The following LAMA2 variants were observed in gnomAD, a reference collection of about 807,000 sequenced individuals.
LAMA2 encodes laminin subunit alpha-2.
LAMA2 carries 269 observed loss-of-function variants against 364.8 expected under a neutral mutation model. The ratio of observed to expected loss-of-function variants is 0.74; its 90% CI spans 0.67 to 0.82. The LOEUF (loss-of-function observed/expected upper bound fraction) is 0.82. Ranked by LOEUF, LAMA2 falls within the 40% of genes least tolerant of loss-of-function variation. The probability of loss-of-function intolerance (pLI) is 0.00; values close to 1 mark genes in which losing one functional copy is unlikely to be tolerated. For synonymous variants in LAMA2, 1,379 were observed against 1,370.6 expected (o/e 1.01, Z -0.14); for missense variants, 3,807 against 3,873.2 (o/e 0.98, Z 0.45).
At chr6:129,172,577 A>G (rs1303870006) in intron 9 of LAMA2, among the ~76,000 whole-genome samples, 2 of 152,188 alleles carry the variant, frequency 1.3e-5, no homozygotes, top group Non-Finnish European at 2.9e-5. Flanking sequence ...GCTCTCTTCA[A>G]AGCTGTCAGA....
At chr6:129,310,938 C>T (rs1774180785) in intron 22 of LAMA2, among the ~76,000 whole-genome samples, 1 of 152,050 alleles carries the variant, frequency 6.6e-6, no homozygotes, top group African/African-American at 2.4e-5. Flanking sequence ...GCCCACCGTT[C>T]TTGGAGGATA....
At chr6:128,929,149 A>C (rs1779284916) in intron 1 of LAMA2, 1 of 1,434,266 alleles carries the variant, frequency 7.0e-7, no homozygotes. Context: ...GATTTACAGG[A>C]TCCAATGGCC....
intron 1 of LAMA2, among the ~76,000 whole-genome samples, chr6:129,030,246 A>G (rs1033914554): frequency 2.6e-5 from 4 of 151,976 alleles, no homozygotes; most frequent in African/African-American, 7.2e-5. Flanking sequence ...AATGTTTCCA[A>G]TGTAGAAATA....
At chr6:129,285,746 T>A (rs1667161922) in intron 18 of LAMA2, among the ~76,000 whole-genome samples, 2 of 152,132 alleles carry the variant, frequency 1.3e-5, no homozygotes, top group African/African-American at 4.8e-5. Context: ...AATCTCCTTC[T>A]TATCTTTATC....
intron 12 of LAMA2, among the ~76,000 whole-genome samples, chr6:129,204,017 C>T (rs58022382): frequency 0.023 from 3,562 of 152,210 alleles, 149 homozygotes; most frequent in African/African-American, 0.079. Context: ...CAGTAAAAGA[C>T]GTTTGTTAAA....
chr6:129,230,253 T>C (rs1286610055), intron 12 of LAMA2, among the ~76,000 whole-genome samples: 1 of 152,170 alleles, frequency 6.6e-6, no homozygotes, highest in Non-Finnish European at 1.5e-5. Flanking sequence ...ATCAACTTTG[T>C]CAGATACTGT....
chr6:129,434,414 A>G (rs1207725764), intron 41 of LAMA2, among the ~76,000 whole-genome samples: 2 of 152,142 alleles, frequency 1.3e-5, no homozygotes, highest in African/African-American at 4.8e-5. Flanking sequence ...TTAAAGACGT[A>G]TGTGTGTGTA....
At chr6:129,029,489 TCTTA>T (rs1161356899) in intron 1 of LAMA2, among the ~76,000 whole-genome samples, 1 of 152,038 alleles carries the variant, frequency 6.6e-6, no homozygotes, top group Non-Finnish European at 1.5e-5. Context: ...ATTTTGGACA[TCTTA>T]CTTATAGTCA....
chr6:129,389,913 G>T (rs1421703543), intron 35 of LAMA2, among the ~76,000 whole-genome samples: 1 of 152,138 alleles, frequency 6.6e-6, no homozygotes, highest in East Asian at 1.9e-4. Context: ...GAGGTGGTCG[G>T]TGGGGGGACA....
chr6:129,328,305 C>G lies in LAMA2; in HGVS notation c.4204C>G (p.Arg1402Gly), dbSNP rs762360002. ...EACLPGFYRL[R>G]SQPGGRTPGP... Reference sequence around the variant, plus strand: ...ATGCTTGCCGGGATTTTATCGACTGCGTTCTCAACCAGGTGGCCGCACCCC... The same window carrying G: ...ATGCTTGCCGGGATTTTATCGACTGGGTTCTCAACCAGGTGGCCGCACCCC... The change falls in exon 29 of 65, where the codon CGT becomes GGT. Residue 1402 changes from arginine to glycine, a missense_variant. Physicochemically the swap from Arg to Gly is moderately radical, Grantham distance 125. Coordinates refer to ENST00000421865, the MANE Select transcript of LAMA2 (RefSeq NM_000426.4). The G allele has an allele frequency of 1.2e-6, 2 of 1,613,988 alleles. No individual in the cohort carries two copies. Among genetic ancestry groups the G allele is most frequent in the Non-Finnish European group, 1.7e-6 (2 of 1,180,008 alleles).
At chr6:129,131,254 G>A (rs998080891) in intron 4 of LAMA2, among the ~76,000 whole-genome samples, 5 of 152,168 alleles carry the variant, frequency 3.3e-5, no homozygotes, top group Non-Finnish European at 1.5e-5. Context: ...GGAATGTTGT[G>A]AAATGAAGTC....
intron 46 of LAMA2, among the ~76,000 whole-genome samples, chr6:129,453,368 T>C (rs1219989714): frequency 3.9e-5 from 6 of 152,202 alleles, no homozygotes; most frequent in African/African-American, 1.4e-4. Context: ...TTTGTCAGTA[T>C]ACCATCATTT....
chr6:129,279,454 G>T (rs539497854), intron 17 of LAMA2, among the ~76,000 whole-genome samples: 1 of 152,148 alleles, frequency 6.6e-6, no homozygotes, highest in African/African-American at 2.4e-5. Flanking sequence ...AGATGGCAAG[G>T]TTGCTTTTGT....
At chr6:129,486,070 TACTCAGAA>T (rs1784570201) in intron 55 of LAMA2, among the ~76,000 whole-genome samples, 1 of 152,228 alleles carries the variant, frequency 6.6e-6, no homozygotes, top group Admixed American at 6.5e-5. Flanking sequence ...GAAGTCTAAA[TACTCAGAA>T]TGCCACAAGG....
chr6:129,486,534 C>T lies in LAMA2; in HGVS notation c.7810C>T (p.Arg2604Ter), dbSNP rs766920075. Residue 2604 changes from arginine (R) to a stop codon, truncating the protein, a stop_gained, in exon 56 of 65, where the codon CGA (arginine) becomes TGA (stop). Coordinates refer to ENST00000421865, the MANE Select transcript of LAMA2 (RefSeq NM_000426.4). LOFTEE classifies it high-confidence loss of function. ...RLEVHLSTGA[R>*]TMRKIVIRPE... ...GGAAGTGCATCTCTCCACAGGGGCA[C>T]GAACAATGAGGAAAATTGTGATCAG... 6.8e-6 allele frequency: 11 copies of T among 1,613,766 alleles called. No homozygotes were observed. Among genetic ancestry groups the T allele is most frequent in the Admixed American group, 3.3e-5 (2 of 59,992 alleles).
chr6:128,960,951 T>C (rs1483304656), intron 1 of LAMA2, among the ~76,000 whole-genome samples: 2 of 151,964 alleles, frequency 1.3e-5, no homozygotes, highest in East Asian at 1.9e-4. Flanking sequence ...TCTGGGAAAA[T>C]TTTGCTGTCC....
intron 1 of LAMA2, among the ~76,000 whole-genome samples, chr6:128,951,413 C>T (rs1283873152): frequency 6.6e-6 from 1 of 151,978 alleles, no homozygotes; most frequent in Non-Finnish European, 1.5e-5. Flanking sequence ...AAATAAAAAC[C>T]CTGGTTCAAT....
At chr6:128,947,369 A>G (rs1385534462) in intron 1 of LAMA2, among the ~76,000 whole-genome samples, 3 of 152,202 alleles carry the variant, frequency 2.0e-5, no homozygotes, top group Admixed American at 2.0e-4. Context: ...TTATGTTTCC[A>G]TCTATAAGAA....
chr6:128,972,322 G>T (rs1378772444), intron 1 of LAMA2, among the ~76,000 whole-genome samples: 1 of 152,132 alleles, frequency 6.6e-6, no homozygotes, highest in Non-Finnish European at 1.5e-5. Context: ...CTTAAACCTT[G>T]ACCTTGTTCT....
Sources: allele counts gnomAD v4.1 joint callset (sites outside exome capture counted in the v4.1 genomes callset), GRCh38; gene constraint gnomAD v4.1.1; transcripts MANE v1.5; gene names NCBI Gene and HGNC (gene_info 2026-07-23, HGNC 2026-07-21).